The following ACSS3 variants were observed in gnomAD, a reference collection of about 807,000 sequenced individuals.
ACSS3 encodes the protein acyl-CoA synthetase short chain family member 3, also known as acyl-CoA synthetase short-chain family member 3, mitochondrial.
ACSS3 carries 64 observed loss-of-function variants against 84.2 expected under a neutral mutation model. That is an observed-to-expected ratio of 0.76 (90% CI 0.62 to 0.94). The LOEUF (loss-of-function observed/expected upper bound fraction) is 0.94. ACSS3 is among the 40% of genes least tolerant of loss of function. The pLI is 0.00. For missense variants in ACSS3, 815 were observed against 867.6 expected, an observed-to-expected ratio of 0.94 and a Z score of 0.76; for synonymous variants, 317 against 310.1, an observed-to-expected ratio of 1.02 and a Z score of -0.23.
At chr12:81,190,278 T>G (rs1021880943) in intron 8 of ACSS3, among the ~76,000 whole-genome samples, 17 of 152,230 alleles carry the variant, frequency 1.1e-4, no homozygotes, top group African/African-American at 4.1e-4. Flanking sequence ...AACAAGTATA[T>G]CTCTTTGTTT....
chr12:81,126,912 A>G (rs1885137281), intron 2 of ACSS3, among the ~76,000 whole-genome samples: 1 of 151,980 alleles, frequency 6.6e-6, no homozygotes, highest in Non-Finnish European at 1.5e-5. Flanking sequence ...GTGCTAGTAA[A>G]TGTTTTCTAG....
chr12:81,189,933 G>A (rs951638262), intron 8 of ACSS3, among the ~76,000 whole-genome samples: 11 of 151,856 alleles, frequency 7.2e-5, no homozygotes, highest in African/African-American at 1.7e-4. Flanking sequence ...TTAAATGGCC[G>A]TCCTTTTCTC....
chr12:81,209,053 C>A (rs1214065178), intron 9 of ACSS3, among the ~76,000 whole-genome samples: 2 of 152,126 alleles, frequency 1.3e-5, no homozygotes, highest in Non-Finnish European at 2.9e-5. Flanking sequence ...CTGGAGTCCT[C>A]TATTTTTTTC....
intron 2 of ACSS3, among the ~76,000 whole-genome samples, chr12:81,114,371 C>T (rs1335250111): frequency 5.3e-5 from 8 of 152,084 alleles, no homozygotes; most frequent in Admixed American, 2.0e-4. Flanking sequence ...CCTTCCAACC[C>T]CTGCCCTGTA....
chr12:81,104,717 C>T (rs1882826702), intron 1 of ACSS3: 1 of 152,096 alleles, frequency 6.6e-6, no homozygotes, highest in Admixed American at 6.6e-5. Flanking sequence ...CATGAGCCAT[C>T]CCCCAGCTGA....
At chr12:81,093,464 CAA>C (rs11308483) in intron 1 of ACSS3, among the ~76,000 whole-genome samples, 98 of 140,866 alleles carry the variant, frequency 7.0e-4, no homozygotes, top group Middle Eastern at 3.8e-3. Context: ...CCACCGCCAC[CAA>C]AAAAAAAAAA....
intron 7 of ACSS3, chr12:81,174,582 A>G: frequency 4.4e-6 from 2 of 452,642 alleles, no homozygotes; most frequent in Non-Finnish European, 7.6e-6. Flanking sequence ...GAAAGGTTTT[A>G]GGATACTAAA....
intron 2 of ACSS3, among the ~76,000 whole-genome samples, chr12:81,130,069 A>G (rs1885390103): frequency 6.6e-6 from 1 of 152,226 alleles, no homozygotes. Context: ...TATTGTGAAT[A>G]GTGCCACAAT....
At chr12:81,101,960 C>T (rs571377921) in intron 1 of ACSS3, among the ~76,000 whole-genome samples, 1 of 151,606 alleles carries the variant, frequency 6.6e-6, no homozygotes, top group African/African-American at 2.4e-5. Context: ...TTAAATATTG[C>T]AAATATGTCT....
At chr12:81,251,046 C>G (rs373721439) in intron 13 of ACSS3, among the ~76,000 whole-genome samples, 1 of 152,158 alleles carries the variant, frequency 6.6e-6, no homozygotes, top group Non-Finnish European at 1.5e-5. Flanking sequence ...CCACTCTCAA[C>G]AATTCTTTAT....
chr12:81,135,373 A>ATGATATATATCACAT, intron 3 of ACSS3, among the ~76,000 whole-genome samples: 1 of 131,040 alleles, frequency 7.6e-6, no homozygotes, highest in African/African-American at 3.4e-5. Flanking sequence ...ATATCACATT[A>ATGATATATATCACAT]TATATAATAT....
intron 1 of ACSS3, among the ~76,000 whole-genome samples, chr12:81,107,510 AC>A: frequency 3.3e-5 from 1 of 30,080 alleles, no homozygotes; most frequent in Non-Finnish European, 7.6e-5. Flanking sequence ...ACAAATATAT[AC>A]ATATATATAT....
In ACSS3 at chr12:81,109,457, T is replaced by C. The variant is rs1436652247; in HGVS notation, c.312-103T>C. The C allele has an allele frequency of 6.0e-6, 8 of 1,341,210 alleles. No homozygotes were observed. The South Asian group carries it at 9.7e-5, about 16-fold the overall frequency. 83.1% of individuals were successfully genotyped at this position (1,341,210 alleles called of 1,614,324 possible). A position where few individuals can be genotyped will look rare whatever the true frequency, so the allele number is the denominator to read the frequency against. On this transcript the variant is annotated intron_variant, in intron 1 of 15. Coordinates refer to ENST00000548058, the MANE Select transcript of ACSS3 (RefSeq NM_024560.4). ...TGACATAGAATGCACTAGGAAACAT[T>C]GTTTTAAGGCCAGCTCTATCAAACT...
intron 2 of ACSS3, among the ~76,000 whole-genome samples, chr12:81,117,329 A>C (rs942997232): frequency 6.6e-6 from 1 of 152,218 alleles, no homozygotes; most frequent in Non-Finnish European, 1.5e-5. Context: ...TACTATGAAT[A>C]AAAAGATAAT....
chr12:81,254,277 G>C (rs903058478), intron 15 of ACSS3, among the ~76,000 whole-genome samples: 5 of 152,196 alleles, frequency 3.3e-5, no homozygotes, highest in Middle Eastern at 3.4e-3. Context: ...AAACAAATTT[G>C]TGGAAACTTA....
At chr12:81,208,856 C>T (rs757512022) in intron 9 of ACSS3, among the ~76,000 whole-genome samples, 14 of 152,144 alleles carry the variant, frequency 9.2e-5, no homozygotes, top group Non-Finnish European at 1.9e-4. Flanking sequence ...AACCTTTATA[C>T]ATGCTGCAAT....
At chr12:81,093,199 T>C (rs1414564513) in intron 1 of ACSS3, among the ~76,000 whole-genome samples, 1 of 152,056 alleles carries the variant, frequency 6.6e-6, no homozygotes, top group Non-Finnish European at 1.5e-5. Context: ...GCTGTAATCC[T>C]AGCACTTTGT....
Position 81,164,002 on chromosome 12 carries a change from G to A in ACSS3, c.1099-10786G>A. On this transcript the variant is annotated intron_variant, in intron 7 of 15. Transcript: ENST00000548058. ...TCTTTAGAAATTTAGTGTAGCTTAA[G>A]TGTGCAGTGTTTATACAATATGTAG... Among the ~76,000 whole-genome samples the A allele has an allele frequency of 1.3e-5, 2 of 152,268 alleles. 1 individual carries two copies. Among genetic ancestry groups the A allele is most frequent in the South Asian group, 4.1e-4 (2 of 4,824 alleles).
chr12:81,193,582 A>T (rs538675478), intron 8 of ACSS3, among the ~76,000 whole-genome samples: 74 of 151,712 alleles, frequency 4.9e-4, no homozygotes, highest in Non-Finnish European at 9.4e-4. Flanking sequence ...TCTGAATATT[A>T]TTATTTTGTT....
Sources: gnomAD v4.1 joint callset for allele counts (sites outside exome capture counted in the v4.1 genomes callset) on GRCh38, gnomAD v4.1.1 for gene constraint, MANE v1.5 for transcripts, NCBI Gene and HGNC (gene_info 2026-07-23, HGNC 2026-07-21) for gene names.